IMPG1: variants seen among roughly 807,000 people sequenced by gnomAD.
The protein encoded by IMPG1 is interphotoreceptor matrix proteoglycan 1.
Under a neutral mutation model 92.0 loss-of-function variants are expected in IMPG1, and 85 were observed. The observed-to-expected ratio is 0.92, with a 90% CI of 0.78 to 1.11. The LOEUF (loss-of-function observed/expected upper bound fraction) is 1.11. IMPG1 is among the 50% of genes least tolerant of loss of function. The pLI is 0.00. For missense variants in IMPG1, 1,022 were observed against 956.0 expected, an observed-to-expected ratio of 1.07 and a Z score of -0.91; for synonymous variants, 367 against 334.1, an observed-to-expected ratio of 1.10 and a Z score of -1.08.
chr6:76,044,996 C>T (rs1353741257), intron 1 of IMPG1, among the ~76,000 whole-genome samples: 1 of 152,166 alleles, frequency 6.6e-6, no homozygotes, highest in Non-Finnish European at 1.5e-5. Flanking sequence ...TTCCCTTTCC[C>T]CTACTAGGGT....
intron 12 of IMPG1, among the ~76,000 whole-genome samples, chr6:75,974,991 T>C (rs1310171088): frequency 6.6e-6 from 1 of 152,260 alleles, no homozygotes; most frequent in Non-Finnish European, 1.5e-5. Context: ...AAGAATGATT[T>C]TCTTTTGGGA....
intron 12 of IMPG1, among the ~76,000 whole-genome samples, chr6:75,966,275 A>G (rs1782306816): frequency 6.6e-6 from 1 of 152,208 alleles, no homozygotes; most frequent in Admixed American, 6.5e-5. Context: ...AAAAAACATT[A>G]TTAAAAATAT....
In IMPG1 at chr6:75,927,479, T is replaced by C. The variant is rs186041709; in HGVS notation, c.2243+3474A>G. Among the ~76,000 whole-genome samples, 352 of 152,200 alleles carry C rather than the reference T, an allele frequency of 2.3e-3. 1 individual carries two copies. Among genetic ancestry groups the C allele is most frequent in the Non-Finnish European group, 4.0e-3 (273 of 67,990 alleles). On this transcript the variant is annotated intron_variant, in intron 15 of 16. Coordinates refer to ENST00000369950, the MANE Select transcript of IMPG1 (RefSeq NM_001563.4). ...TCTTGGGATGAACAGAAATAACTGA[T>C]GGGAGGAGAAGCAGGTCACGGAGAT...
rs1029442796 is a variant in IMPG1 at position 75,924,226 on chromosome 6, C to G, written c.2244-520G>C. 1.0e-4 allele frequency among the ~76,000 whole-genome samples: 15 copies of G among 150,414 alleles called. No individual in the cohort carries two copies. The Admixed American group carries it at 1.0e-3, about 10-fold the overall frequency. ...AAAATAGGACTACCATATGATCGAG[C>G]AATCCCACTACTGGATATCTATCCA... On this transcript the variant is annotated intron_variant, in intron 15 of 16. Transcript: ENST00000369950.
intron 7 of IMPG1, among the ~76,000 whole-genome samples, chr6:76,017,560 C>T (rs1783311952): frequency 6.6e-6 from 1 of 152,084 alleles, no homozygotes; most frequent in Non-Finnish European, 1.5e-5. Flanking sequence ...TTTAAATCTA[C>T]TTTATTGAGG....
Position 76,025,250 on chromosome 6 carries a change from T to C in IMPG1, c.506A>G (p.Glu169Gly), listed in dbSNP as rs1259963509. Residue 169 changes from glutamate (E) to glycine (G), a missense_variant, in exon 5 of 17, where the codon GAA (glutamate) becomes GGA (glycine). Physicochemically the swap from Glu to Gly is moderately conservative, Grantham distance 98. Around this residue, in one of 3 missense-constraint regions of IMPG1, gnomAD observed 681 missense variants for 583.6 expected, o/e 1.17. Coordinates refer to ENST00000369950, the MANE Select transcript of IMPG1 (RefSeq NM_001563.4). ...KQRSFPDRKDEISAEKTLGEP... is the reference protein window; with the variant it reads ...KQRSFPDRKDGISAEKTLGEP... Reference sequence around the variant, plus strand: ...TCCCAATGTCTTCTCTGCAGATATTTCATCTTTTCTATTAGTACAATAGAA... The same window carrying C: ...TCCCAATGTCTTCTCTGCAGATATTCCATCTTTTCTATTAGTACAATAGAA... 1.3e-6 allele frequency: 2 copies of C among 1,581,690 alleles called. No homozygotes were observed. Among genetic ancestry groups the C allele is most frequent in the African/African-American group, 1.3e-5 (1 of 74,360 alleles).
chr6:75,955,315 A>G (rs1396592507), intron 12 of IMPG1, among the ~76,000 whole-genome samples: 1 of 152,132 alleles, frequency 6.6e-6, no homozygotes, highest in Non-Finnish European at 1.5e-5. Flanking sequence ...GTTCACCTTG[A>G]AGAGGTCCTC....
rs59638352 is a variant in IMPG1 at position 76,069,895 on chromosome 6, C to T, written c.67+2527G>A. Among the ~76,000 whole-genome samples, 203 of 152,260 alleles carry T rather than the reference C, an allele frequency of 1.3e-3. 3 individuals carry two copies. In the East Asian group the frequency reaches 0.031, roughly 23 times the overall value. On this transcript the variant is annotated intron_variant, in intron 1 of 16. Transcript: ENST00000369950. ...TAATGCAGGAACAGAAAACCCAATACTGCATGTTCTCACTTATAAGTGGGA... is the reference window on the plus strand; with the variant it reads ...TAATGCAGGAACAGAAAACCCAATATTGCATGTTCTCACTTATAAGTGGGA...
intron 1 of IMPG1, among the ~76,000 whole-genome samples, chr6:76,071,419 A>G (rs1362698612): frequency 6.6e-6 from 1 of 151,054 alleles, no homozygotes; most frequent in African/African-American, 2.4e-5. Context: ...ATTTATATAT[A>G]ATTGATAATT....
chr6:75,929,776 T>C (rs919611777), intron 15 of IMPG1, among the ~76,000 whole-genome samples: 4 of 152,030 alleles, frequency 2.6e-5, no homozygotes, highest in Non-Finnish European at 4.4e-5. Context: ...GGTTTCATAA[T>C]CCTAGCTGGA....
At chr6:75,962,294 A>AT (rs146223042) in intron 12 of IMPG1, among the ~76,000 whole-genome samples, 17 of 149,898 alleles carry the variant, frequency 1.1e-4, no homozygotes, top group East Asian at 5.9e-4. Context: ...AATTAAAAAA[A>AT]TTTTTTTTTT....
chr6:75,959,850 A>G (rs906175414), intron 12 of IMPG1, among the ~76,000 whole-genome samples: 2 of 152,202 alleles, frequency 1.3e-5, no homozygotes, highest in African/African-American at 4.8e-5. Context: ...CCCTGGTTTC[A>G]GCCCCTTTTC....
Position 76,040,632 on chromosome 6 carries a change from G to A in IMPG1, c.301+1261C>T, listed in dbSNP as rs188674279. ...TATAGTGCCCTTGATTTTCTACAGT[G>A]AGAGTCCTCTTTCAGACTGTGATCC... On this transcript the variant is annotated intron_variant, in intron 2 of 16. Transcript: ENST00000369950. Among the ~76,000 whole-genome samples the A allele has an allele frequency of 1.6e-3, 239 of 152,282 alleles. 1 individual carries two copies. Among genetic ancestry groups the A allele is most frequent in the African/African-American group, 5.0e-3 (208 of 41,566 alleles).
intron 1 of IMPG1, among the ~76,000 whole-genome samples, chr6:76,049,802 G>A (rs966296606): frequency 2.0e-5 from 3 of 152,116 alleles, no homozygotes; most frequent in Non-Finnish European, 4.4e-5. Context: ...TATTTAGGGG[G>A]GCATAAAGGA....
chr6:76,062,967 G>A (rs994463908), intron 1 of IMPG1, among the ~76,000 whole-genome samples: 10 of 151,826 alleles, frequency 6.6e-5, no homozygotes, highest in African/African-American at 2.4e-4. Context: ...ACTTTAGGAG[G>A]CCGAGGTGAG....
At chr6:76,069,075 T>C (rs957568139) in intron 1 of IMPG1, among the ~76,000 whole-genome samples, 5 of 151,928 alleles carry the variant, frequency 3.3e-5, no homozygotes, top group Admixed American at 2.6e-4. Context: ...CCCACATACC[T>C]ACAACCAGTT....
chr6:76,011,293 A>C (rs575544514), intron 7 of IMPG1, 69 bp from the exon 8 acceptor site: 13 of 768,852 alleles, frequency 1.7e-5, no homozygotes, highest in African/African-American at 1.1e-4. Flanking sequence ...TAACTGAAAA[A>C]CCTGAACACT....
chr6:75,961,532 A>T (rs368138718), intron 12 of IMPG1, among the ~76,000 whole-genome samples: 1 of 152,306 alleles, frequency 6.6e-6, no homozygotes. Context: ...AAGACAAAAA[A>T]CAAAACAAAA....
At chr6:76,002,239 A>G (rs189404719) in intron 12 of IMPG1, among the ~76,000 whole-genome samples, 29 of 152,264 alleles carry the variant, frequency 1.9e-4, no homozygotes, top group African/African-American at 6.5e-4. Flanking sequence ...TTTTTGCACT[A>G]AAAAAGGCTC....
Sources: gnomAD v4.1 joint callset for allele counts (sites outside exome capture counted in the v4.1 genomes callset) on GRCh38, gnomAD v4.1.1 for gene constraint, gnomAD v4.1.1 regional missense constraint, MANE v1.5 for transcripts, NCBI Gene and HGNC (gene_info 2026-07-23, HGNC 2026-07-21) for gene names.